Variants in NUP160 observed in about 807,000 individuals in gnomAD.
NUP160 encodes nuclear pore complex protein Nup160.
NUP160 carries 94 observed loss-of-function variants against 196.9 expected under a neutral mutation model. The observed-to-expected ratio is 0.48, with a 90% CI of 0.40 to 0.57. The LOEUF (loss-of-function observed/expected upper bound fraction) is 0.57, where lower values mean the gene tolerates loss of function less well. NUP160 is among the 20% of genes least tolerant of loss of function. The pLI is 0.00. For synonymous variants in NUP160, 605 were observed against 619.7 expected, an observed-to-expected ratio of 0.98 and a Z score of 0.35; for missense variants, 1,638 against 1,748.3, an observed-to-expected ratio of 0.94 and a Z score of 1.13.
At chr11:47,837,142 A>T in intron 5 of NUP160, 141 bp from the exon 6 acceptor site, 1 of 518,600 alleles carries the variant, frequency 1.9e-6, no homozygotes, top group East Asian at 2.9e-5. Flanking sequence ...GTATAAGACA[A>T]CTACATTTCT....
At chr11:47,848,168 A>G (rs1852438235) in intron 1 of NUP160, 51 bp downstream of exon 1, 1 of 1,596,600 alleles carries the variant, frequency 6.3e-7, no homozygotes, top group South Asian at 1.1e-5. Flanking sequence ...GACCCATGAG[A>G]GGAGCCCGAG....
In NUP160 at chr11:47,812,283, T is replaced by C. The variant is rs888634823; in HGVS notation, c.2080+19A>G. 5 of 1,613,680 alleles carry C rather than the reference T, an allele frequency of 3.1e-6. No individual in the cohort carries two copies. Among genetic ancestry groups the C allele is most frequent in the African/African-American group, 1.3e-5 (1 of 74,910 alleles). ...CATTGTTTTAATCAAAGAGGCACAT[T>C]TGTTGTTCTGTCATTTACCTGGATT... is the stretch of plus-strand genomic sequence containing the variant. On this transcript the variant is annotated intron_variant, in intron 16 of 35. Transcript: ENST00000378460.
chr11:47,813,499 G>T, intron 13 of NUP160, 84 bp from the exon 14 acceptor site: 1 of 847,506 alleles, frequency 1.2e-6, no homozygotes, highest in Non-Finnish European at 2.0e-6. Context: ...CTTATCATGA[G>T]GCAAACCCAA....
intron 31 of NUP160, among the ~76,000 whole-genome samples, chr11:47,787,573 T>C (rs1419178043): frequency 6.6e-6 from 1 of 151,146 alleles, no homozygotes; most frequent in Non-Finnish European, 1.5e-5. Flanking sequence ...GAAATTACTG[T>C]TGTGTGCCAC....
At chr11:47,809,042 A>T (rs1200164425) in intron 17 of NUP160, among the ~76,000 whole-genome samples, 1 of 151,776 alleles carries the variant, frequency 6.6e-6, no homozygotes, top group African/African-American at 2.4e-5. Flanking sequence ...CGGATGTTGC[A>T]GTGAGCTGAG....
At chr11:47,824,980 C>T (rs1335169556) in intron 7 of NUP160, among the ~76,000 whole-genome samples, 4 of 151,830 alleles carry the variant, frequency 2.6e-5, no homozygotes, top group East Asian at 1.9e-4. Flanking sequence ...GGACTACAGG[C>T]GCCTGCCACC....
chr11:47,840,547 A>C, exon 3 of NUP160: 8 of 1,613,214 alleles, frequency 5.0e-6, no homozygotes, highest in Non-Finnish European at 6.8e-6. Flanking sequence ...ATTTATGTCC[A>C]GTGACTCCTC....
exon 32 of NUP160, chr11:47,786,549 A>G: frequency 6.2e-7 from 1 of 1,608,106 alleles, no homozygotes; most frequent in African/African-American, 1.3e-5. Flanking sequence ...TTGCAATTTG[A>G]TGCATCTGGA....
rs934929465 is a variant in NUP160, at chr11:47,821,721, T to C, written c.1277+3A>G. On this transcript the variant is annotated splice_donor_region_variant and intron_variant, in intron 9 of 35. Transcript: ENST00000378460. ...TAGGATGACAGAATTAAGTGACCCA[T>C]ACTGTTCAAAGTTGATGTATTTCAC... is the stretch of plus-strand genomic sequence containing the variant. 18 of 1,606,022 alleles carry C rather than the reference T, an allele frequency of 1.1e-5. No homozygotes were observed. The highest frequency in any genetic ancestry group is 1.5e-5 in the Non-Finnish European group (18 of 1,172,604).
chr11:47,819,900 G>A (rs1464842086), intron 9 of NUP160, among the ~76,000 whole-genome samples: 1 of 152,218 alleles, frequency 6.6e-6, no homozygotes, highest in Non-Finnish European at 1.5e-5. Flanking sequence ...GTGAGGCTGA[G>A]GGTATATCAC....
chr11:47,784,211 A>G (rs1429330260), intron 33 of NUP160, among the ~76,000 whole-genome samples: 1 of 152,224 alleles, frequency 6.6e-6, no homozygotes, highest in African/African-American at 2.4e-5. Flanking sequence ...TCCTAGCCTG[A>G]GATAATCTGA....
At position 47,786,452 on chromosome 11, in the gene NUP160, C is replaced by A; in HGVS notation, c.3848+1G>T. 6.2e-7 allele frequency: 1 copy of A among 1,606,864 alleles called. No homozygotes were observed. The highest frequency in any genetic ancestry group is 1.7e-4 in the Middle Eastern group (1 of 6,038). ...CCCAGGGTTGAACACCAGGGTTGTA[C>A]CTAGACTCCTTAGTAGTGATGACAG... On this transcript the variant is annotated splice_donor_variant, in intron 32 of 35. Coordinates refer to ENST00000378460, the Ensembl canonical transcript of NUP160. LOFTEE classifies it high-confidence loss of function.
intron 23 of NUP160, among the ~76,000 whole-genome samples, chr11:47,801,093 G>A (rs2097673925): frequency 6.6e-6 from 1 of 152,026 alleles, no homozygotes; most frequent in Non-Finnish European, 1.5e-5. Flanking sequence ...GAGGAAAGAG[G>A]GGCAGGAAAC....
chr11:47,825,900 A>G (rs1253816986), intron 7 of NUP160, among the ~76,000 whole-genome samples: 2 of 152,206 alleles, frequency 1.3e-5, no homozygotes, highest in African/African-American at 4.8e-5. Context: ...AACTGTTTTT[A>G]TAAAGAAAAT....
intron 10 of NUP160, 67 bp from the exon 11 acceptor site, chr11:47,818,191 C>A: frequency 9.9e-7 from 1 of 1,014,590 alleles, no homozygotes; most frequent in Non-Finnish European, 1.6e-6. Flanking sequence ...CACATAACAC[C>A]AAAGTTTGAG....
chr11:47,791,124 G>A (rs556710415), intron 29 of NUP160, among the ~76,000 whole-genome samples: 2 of 151,480 alleles, frequency 1.3e-5, no homozygotes, highest in South Asian at 2.1e-4. Flanking sequence ...ACCTACTGGC[G>A]AAGCTGAAGC....
intron 4 of NUP160, 195 bp downstream of exon 4, chr11:47,839,648 G>C: frequency 1.7e-6 from 1 of 582,474 alleles, no homozygotes; most frequent in Non-Finnish European, 3.1e-6. Context: ...TTGTTTTTCC[G>C]TGCTCCAATA....
chr11:47,839,003 C>A (rs1354596323), intron 4 of NUP160, among the ~76,000 whole-genome samples: 14 of 120,826 alleles, frequency 1.2e-4, no homozygotes, highest in South Asian at 2.4e-4. Flanking sequence ...AATCCCATCT[C>A]AAAAAAAAAA....
chr11:47,839,125 CTT>C (rs746924036), intron 4 of NUP160, among the ~76,000 whole-genome samples: 17 of 151,840 alleles, frequency 1.1e-4, no homozygotes, highest in East Asian at 9.9e-4. Context: ...GAGTTTCGCT[CTT>C]GTTGCCCAGG....
Sources: gnomAD v4.1 joint callset for allele counts (sites outside exome capture counted in the v4.1 genomes callset) on GRCh38, gnomAD v4.1.1 for gene constraint, MANE v1.5 for transcripts, NCBI Gene and HGNC (gene_info 2026-07-23, HGNC 2026-07-21) for gene names.